The following EML1 variants were observed in gnomAD, a reference collection of about 807,000 sequenced individuals.
EML1 encodes the protein echinoderm microtubule-associated protein-like 1.
In EML1, 27 loss-of-function variants were observed where a neutral mutation model predicts 110.4. That is an observed-to-expected ratio of 0.24 (90% CI 0.18 to 0.34). EML1 has a LOEUF of 0.34. Among genes scored for constraint, EML1 ranks in the 10% least tolerant of loss-of-function variants. The pLI, the probability that EML1 is intolerant of heterozygous loss-of-function variation, is 1.00. For missense variants in EML1, 741 were observed against 1,030.9 expected, an observed-to-expected ratio of 0.72 and a Z score of 3.85; for synonymous variants, 344 against 385.8, an observed-to-expected ratio of 0.89 and a Z score of 1.27.
upstream of EML1, chr14:99,793,244 C>G (rs906103011): frequency 4.9e-3 from 3,770 of 764,458 alleles, 15 homozygotes; most frequent in East Asian, 0.022. Context: ...CCCCTCCCGG[C>G]CCGGGCCCCG....
Position 99,936,793 on chromosome 14 carries a change from T to G in EML1, c.2095+459T>G. On this transcript the variant is annotated intron_variant, in intron 19 of 21. Coordinates refer to ENST00000262233, the MANE Select transcript of EML1 (RefSeq NM_004434.3). The surrounding 1 kb of genome is among the most constrained non-coding windows in gnomAD (Gnocchi z 5.5). ...TCCTCCTCCCCTCCCAACCTGACCC[T>G]GGCCAGTCTCTGGGCCCAGGCAGTG... Among the ~76,000 whole-genome samples, 1 of 152,258 alleles carries G rather than the reference T, an allele frequency of 6.6e-6. No individual in the cohort carries two copies. Among genetic ancestry groups the G allele is most frequent in the East Asian group, 1.9e-4 (1 of 5,162 alleles).
upstream of EML1, among the ~76,000 whole-genome samples, chr14:99,792,530 C>T (rs899974035): frequency 2.2e-4 from 33 of 152,180 alleles, no homozygotes; most frequent in African/African-American, 6.8e-4. Flanking sequence ...ACTCATAGAT[C>T]TATGTGTTTC....
intron 10 of EML1, among the ~76,000 whole-genome samples, 191 bp from the exon 11 acceptor site, chr14:99,909,154 A>G (rs1417872330): frequency 1.3e-5 from 2 of 152,192 alleles, no homozygotes; most frequent in Non-Finnish European, 2.9e-5. Flanking sequence ...ACAGACAAGG[A>G]GGAGGTATTA....
At chr14:99,852,582 G>A (rs1286919453) in intron 2 of EML1, among the ~76,000 whole-genome samples, 2 of 152,208 alleles carry the variant, frequency 1.3e-5, no homozygotes, top group African/African-American at 4.8e-5. Flanking sequence ...CTCCAGCCGG[G>A]TGACAGAGCA....
At chr14:99,820,574 G>A (rs1245947389) in intron 1 of EML1, among the ~76,000 whole-genome samples, 1 of 152,162 alleles carries the variant, frequency 6.6e-6, no homozygotes, top group Non-Finnish European at 1.5e-5. Flanking sequence ...GGCAAAATAC[G>A]AAACCAAAGA....
At chr14:99,830,590 A>G (rs2058433380) in intron 1 of EML1, among the ~76,000 whole-genome samples, 1 of 151,130 alleles carries the variant, frequency 6.6e-6, no homozygotes, top group African/African-American at 2.4e-5. Flanking sequence ...AGCTCTTGTC[A>G]CCCAGGCTGG....
rs531992486 is a variant in EML1 at position 99,821,735 on chromosome 14, T to C, written c.67+28192T>C. 2.6e-4 allele frequency among the ~76,000 whole-genome samples: 40 copies of C among 152,318 alleles called. 2 individuals carry two copies. In the South Asian group the frequency reaches 7.3e-3, roughly 28 times the overall value. On this transcript the variant is annotated intron_variant, in intron 1 of 21. Transcript: ENST00000262233. The stretch of plus-strand genomic sequence containing the variant: ...GGAAGGGGACACCGGCCCTTTTGAC[T>C]CTAGAGTGTCTGTGCCATGTGACAA...
chr14:99,774,240 TG>T (rs1387934291), intron 1 of EML1, among the ~76,000 whole-genome samples: 2 of 151,986 alleles, frequency 1.3e-5, no homozygotes, highest in Non-Finnish European at 2.9e-5. Context: ...ATTCTAGGCA[TG>T]GGGGGACTTT....
At chr14:99,805,891 G>A (rs1431704982) in intron 1 of EML1, among the ~76,000 whole-genome samples, 1 of 151,510 alleles carries the variant, frequency 6.6e-6, no homozygotes, top group Admixed American at 6.6e-5. Flanking sequence ...TCACATTGTT[G>A]TGCAGCCATC....
At chr14:99,764,435 G>A (rs144032617) in intron 1 of EML1, among the ~76,000 whole-genome samples, 1,918 of 152,342 alleles carry the variant, frequency 0.013, 17 homozygotes, top group Non-Finnish European at 0.019. Context: ...CGTCCTGGCC[G>A]AGGCAGAGCC....
At chr14:99,782,934 T>A (rs1251145258) in intron 1 of EML1, among the ~76,000 whole-genome samples, 1 of 152,112 alleles carries the variant, frequency 6.6e-6, no homozygotes, top group Non-Finnish European at 1.5e-5. Context: ...ATAACCTGTA[T>A]CAATCTAGAC....
intron 10 of EML1, among the ~76,000 whole-genome samples, chr14:99,908,128 C>T (rs1379988657): frequency 2.0e-5 from 3 of 152,170 alleles, no homozygotes; most frequent in Non-Finnish European, 2.9e-5. Flanking sequence ...CCCCTGCAGC[C>T]GCAGGAAGGG....
chr14:99,750,601 C>T (rs573285027), intron 1 of EML1, among the ~76,000 whole-genome samples: 1 of 152,308 alleles, frequency 6.6e-6, no homozygotes, highest in African/African-American at 2.4e-5. Context: ...TGAACTATCA[C>T]CCGTATTCAA....
At chr14:99,892,896 G>A (rs1309097797) in intron 5 of EML1, among the ~76,000 whole-genome samples, 7 of 152,322 alleles carry the variant, frequency 4.6e-5, no homozygotes, top group Middle Eastern at 3.4e-3. Flanking sequence ...TACAAAGAGA[G>A]TTGCTAGAAT....
chr14:99,805,997 A>G (rs573406694), intron 1 of EML1, among the ~76,000 whole-genome samples: 1 of 152,262 alleles, frequency 6.6e-6, no homozygotes, highest in Non-Finnish European at 1.5e-5. Context: ...CTGGTCCAGC[A>G]TTCGACTTTC....
At chr14:99,753,353 G>A (rs576745470) in intron 1 of EML1, among the ~76,000 whole-genome samples, 5 of 151,788 alleles carry the variant, frequency 3.3e-5, no homozygotes, top group African/African-American at 1.2e-4. Flanking sequence ...GCCTGGTAAT[G>A]CTGGCCCTCC....
intron 20 of EML1, 96 bp downstream of exon 20, chr14:99,938,008 G>A: frequency 7.7e-7 from 1 of 1,301,446 alleles, no homozygotes. Flanking sequence ...CACCAGTCTT[G>A]TCAGATTGCT....
intron 1 of EML1, among the ~76,000 whole-genome samples, chr14:99,748,513 A>C (rs8014108): frequency 0.24 from 35,707 of 151,818 alleles, 4,366 homozygotes; most frequent in South Asian, 0.3. Flanking sequence ...TCACACCTGC[A>C]ATCCCAGCAC....
At chr14:99,845,607 A>G (rs1040627244) in intron 1 of EML1, among the ~76,000 whole-genome samples, 1 of 152,258 alleles carries the variant, frequency 6.6e-6, no homozygotes, top group African/African-American at 2.4e-5. Flanking sequence ...TATGCTTAAG[A>G]CATAGTTTTA....
Sources: gnomAD v4.1 joint callset for allele counts (sites outside exome capture counted in the v4.1 genomes callset) on GRCh38, gnomAD v4.1.1 for gene constraint, Gnocchi (gnomAD v3.1) non-coding constraint, MANE v1.5 for transcripts, NCBI Gene and HGNC (gene_info 2026-07-23, HGNC 2026-07-21) for gene names.